SSBP2: variants seen among roughly 807,000 people sequenced by gnomAD.
SSBP2 encodes single-stranded DNA-binding protein 2.
A neutral mutation model predicts 61.8 loss-of-function variants in SSBP2; 17 were observed. The observed-to-expected ratio is 0.28, with a 90% CI of 0.19 to 0.41. The LOEUF is 0.41. Ranked by LOEUF, SSBP2 falls within the 10% of genes least tolerant of loss-of-function variation. SSBP2 has a pLI of 1.00. For missense variants in SSBP2, 310 were observed against 458.7 expected (o/e 0.68, Z 2.96); for synonymous variants, 139 against 141.3 (o/e 0.98, Z 0.12).
intron 4 of SSBP2, among the ~76,000 whole-genome samples, chr5:81,560,164 T>C (rs1278160908): frequency 6.6e-6 from 1 of 152,170 alleles, no homozygotes; most frequent in African/African-American, 2.4e-5. Context: ...TCTTACTTGG[T>C]TAGGAAAAAA....
intron 4 of SSBP2, among the ~76,000 whole-genome samples, chr5:81,553,019 G>A (rs1772323565): frequency 6.6e-6 from 1 of 152,182 alleles, no homozygotes; most frequent in African/African-American, 2.4e-5. Context: ...AGGAAATGAG[G>A]ATGATAATGA....
chr5:81,747,585 T>C (rs774002286), intron 1 of SSBP2, among the ~76,000 whole-genome samples: 36 of 152,090 alleles, frequency 2.4e-4, no homozygotes, highest in African/African-American at 1.2e-4. Flanking sequence ...AACTCAAACT[T>C]ACAAGTCCTT....
chr5:81,662,976 A>C (rs900077094), intron 1 of SSBP2, among the ~76,000 whole-genome samples: 5 of 152,302 alleles, frequency 3.3e-5, no homozygotes, highest in African/African-American at 9.6e-5. Flanking sequence ...ACTGTTACTT[A>C]AGTGTCTAAT....
At chr5:81,664,303 T>G (rs2153750202) in intron 1 of SSBP2, among the ~76,000 whole-genome samples, 1 of 151,690 alleles carries the variant, frequency 6.6e-6, no homozygotes, top group African/African-American at 2.4e-5. Flanking sequence ...TTTTTTTTTG[T>G]ATTTTTAGTA....
chr5:81,601,543 G>C (rs1047882380), intron 4 of SSBP2, among the ~76,000 whole-genome samples: 2 of 152,070 alleles, frequency 1.3e-5, no homozygotes, highest in East Asian at 3.8e-4. Context: ...TTTTACCATT[G>C]GGGGAACTAG....
intron 4 of SSBP2, among the ~76,000 whole-genome samples, chr5:81,527,204 G>T (rs1030266007): frequency 6.6e-6 from 1 of 151,940 alleles, no homozygotes; most frequent in Admixed American, 6.6e-5. Flanking sequence ...ATGATTATTA[G>T]ATGTAATATT....
At chr5:81,662,617 G>A (rs1581279311) in intron 1 of SSBP2, among the ~76,000 whole-genome samples, 1 of 151,924 alleles carries the variant, frequency 6.6e-6, no homozygotes. Context: ...GCCTGGCCAA[G>A]ATGGTGAAAC....
chr5:81,482,821 T>C (rs757943341), intron 6 of SSBP2, among the ~76,000 whole-genome samples: 71 of 152,206 alleles, frequency 4.7e-4, no homozygotes, highest in Non-Finnish European at 1.0e-3. Flanking sequence ...TTCCTAACAT[T>C]GCTGTTTGGC....
chr5:81,611,203 C>A (rs1050902319), intron 4 of SSBP2, among the ~76,000 whole-genome samples: 3 of 152,100 alleles, frequency 2.0e-5, no homozygotes, highest in African/African-American at 7.2e-5. Context: ...CAGTTGTCAA[C>A]CCCCATCAAA....
In SSBP2 at chr5:81,445,179, T is replaced by C. The variant is rs1485179744; in HGVS notation, c.778+1689A>G. Among the ~76,000 whole-genome samples, 17 of 97,360 alleles carry C rather than the reference T, an allele frequency of 1.7e-4. 1 individual carries two copies. The highest frequency in any genetic ancestry group is 6.4e-4 in the African/African-American group (17 of 26,494). 63.9% of individuals were successfully genotyped at this position (97,360 alleles called of 152,430 possible). A position where few individuals can be genotyped will look rare whatever the true frequency, so the allele number is the denominator to read the frequency against. On this transcript the variant is annotated intron_variant, in intron 12 of 16. Transcript: ENST00000320672. ...ATATATATATATATATATATATATG[T>C]ATGTATTTACTGGAAAATGTCTGAC... is the stretch of plus-strand genomic sequence containing the variant.
intron 5 of SSBP2, among the ~76,000 whole-genome samples, chr5:81,496,210 C>T (rs1767263616): frequency 2.0e-5 from 3 of 151,942 alleles, no homozygotes; most frequent in African/African-American, 4.8e-5. Flanking sequence ...GACGGAGTCT[C>T]ACTCTGTTGC....
At chr5:81,729,323 A>T (rs1407763036) in intron 1 of SSBP2, among the ~76,000 whole-genome samples, 2 of 152,208 alleles carry the variant, frequency 1.3e-5, no homozygotes, top group Non-Finnish European at 2.9e-5. Flanking sequence ...AAATATAAAG[A>T]AATAACGTGA....
chr5:81,717,239 A>G (rs1280201371), intron 1 of SSBP2, among the ~76,000 whole-genome samples: 1 of 152,124 alleles, frequency 6.6e-6, no homozygotes, highest in African/African-American at 2.4e-5. Context: ...CCTCCAGGAC[A>G]AAGAGCAGCC....
intron 4 of SSBP2, among the ~76,000 whole-genome samples, chr5:81,613,002 T>G (rs546437063): frequency 6.6e-6 from 1 of 152,200 alleles, no homozygotes; most frequent in South Asian, 2.1e-4. Flanking sequence ...ATCCTATTCA[T>G]GAAAATTACC....
At chr5:81,628,164 C>G (rs1213410815) in intron 3 of SSBP2, among the ~76,000 whole-genome samples, 1 of 152,180 alleles carries the variant, frequency 6.6e-6, no homozygotes, top group Non-Finnish European at 1.5e-5. Flanking sequence ...ACTCACAGTT[C>G]AGCATGGCTG....
At chr5:81,620,230 T>C (rs1314894062) in intron 3 of SSBP2, among the ~76,000 whole-genome samples, 23 of 109,658 alleles carry the variant, frequency 2.1e-4, no homozygotes, top group African/African-American at 6.8e-4. Context: ...AAAATCTCCT[T>C]AAGCTGATAA....
At chr5:81,648,259 C>T (rs1368437397) in intron 2 of SSBP2, among the ~76,000 whole-genome samples, 1 of 151,992 alleles carries the variant, frequency 6.6e-6, no homozygotes, top group African/African-American at 2.4e-5. Flanking sequence ...AGGTCATTGC[C>T]CTAAGTCTTC....
chr5:81,685,619 A>G (rs1752713651), intron 1 of SSBP2, among the ~76,000 whole-genome samples: 1 of 152,244 alleles, frequency 6.6e-6, no homozygotes, highest in South Asian at 2.1e-4. Context: ...TAGCACCTGC[A>G]GATGGGCTAT....
Position 81,483,282 on chromosome 5 carries a change from T to G in SSBP2, c.432+5968A>C, listed in dbSNP as rs79788378. 5.9e-5 allele frequency among the ~76,000 whole-genome samples: 9 copies of G among 152,134 alleles called. No individual in the cohort carries two copies. In the East Asian group the frequency reaches 1.7e-3, roughly 29 times the overall value. ...ACTTACTGACTTGCTCAATGCAGGG[T>G]TGCCATAAAACTTTAATTTGTAAAA... On this transcript the variant is annotated intron_variant, in intron 6 of 16. Coordinates refer to ENST00000320672, the MANE Select transcript of SSBP2 (RefSeq NM_012446.5).
Sources: allele counts gnomAD v4.1 joint callset (sites outside exome capture counted in the v4.1 genomes callset), GRCh38; gene constraint gnomAD v4.1.1; transcripts MANE v1.5; gene names NCBI Gene and HGNC (gene_info 2026-07-23, HGNC 2026-07-21).